Variants in ZNF610 observed in about 807,000 individuals in gnomAD.
ZNF610 encodes zink finger protein.
Under a neutral mutation model 14.1 loss-of-function variants are expected in ZNF610, and 14 were observed. That is an observed-to-expected ratio of 0.99 (90% CI 0.65 to 1.55). The LOEUF (loss-of-function observed/expected upper bound fraction) is 1.55. Among genes scored for constraint, ZNF610 ranks in the 40% most tolerant of loss-of-function variants. ZNF610 has a pLI of 0.00. For missense variants in ZNF610, 530 were observed against 558.0 expected, an observed-to-expected ratio of 0.95 and a Z score of 0.51; for synonymous variants, 185 against 187.6, an observed-to-expected ratio of 0.99 and a Z score of 0.11.
upstream of ZNF610, among the ~76,000 whole-genome samples, chr19:52,333,425 C>T (rs1226561051): frequency 1.3e-5 from 2 of 152,178 alleles, no homozygotes; most frequent in Admixed American, 1.3e-4. Flanking sequence ...AACATGGCTG[C>T]CTCCCAGGAC....
Position 52,364,257 on chromosome 19 carries a change from A to G in ZNF610, c.320-1441A>G, listed in dbSNP as rs146662519. 2.7e-3 allele frequency among the ~76,000 whole-genome samples: 413 copies of G among 152,350 alleles called. 2 individuals are homozygous for G. The highest frequency in any genetic ancestry group is 9.6e-3 in the African/African-American group (398 of 41,582). Reference sequence around the variant, plus strand: ...GGAAAGAAAAGCCAAATTACAAATGAAAAGTACAATAATGCATGATTTTTT... The same window carrying G: ...GGAAAGAAAAGCCAAATTACAAATGGAAAGTACAATAATGCATGATTTTTT... On this transcript the variant is annotated intron_variant, in intron 5 of 5. Coordinates refer to ENST00000403906, the MANE Select transcript of ZNF610 (RefSeq NM_001161425.2).
At chr19:52,339,293 A>G (rs1984550604) in intron 1 of ZNF610, among the ~76,000 whole-genome samples, 1 of 151,876 alleles carries the variant, frequency 6.6e-6, no homozygotes, top group African/African-American at 2.4e-5. Context: ...CTCTTTCACT[A>G]ATCCTCAGCA....
At chr19:52,365,613 TG>T in intron 5 of ZNF610, 84 bp from the exon 6 acceptor site, 1 of 1,199,474 alleles carries the variant, frequency 8.3e-7, no homozygotes, top group Non-Finnish European at 1.2e-6. Flanking sequence ...GTGTCTGAGT[TG>T]GGTGAGGCTG....
At chr19:52,348,205 C>G (rs1985057556) in intron 2 of ZNF610, 1 of 152,122 alleles carries the variant, frequency 6.6e-6, no homozygotes. Context: ...TTTCTCAGAA[C>G]CGGTCCCATT....
intron 3 of ZNF610, among the ~76,000 whole-genome samples, chr19:52,352,960 C>T (rs1045981128): frequency 2.9e-4 from 44 of 152,002 alleles, no homozygotes; most frequent in African/African-American, 8.0e-4. Context: ...TTTTTTGAGA[C>T]GGAGTCTTGC....
intron 5 of ZNF610, among the ~76,000 whole-genome samples, chr19:52,364,325 G>A (rs550117640): frequency 6.6e-6 from 1 of 152,092 alleles, no homozygotes; most frequent in South Asian, 2.1e-4. Flanking sequence ...GTCACTCTCA[G>A]GATACTATGT....
Position 52,354,259 on chromosome 19 carries a change from C to A in ZNF610, c.199C>A (p.Leu67Ile). ...TTTCTTTTTATTAACAGGAATCTGT[C>A]TTCCTGACCTAAGTATTATTTCCAT... ...YRNLVFLGIC[L>I]PDLSIISMLK... Residue 67 changes from leucine (L) to isoleucine (I), a missense_variant, in exon 5 of 6, where the codon CTT (leucine) becomes ATT (isoleucine). By Grantham distance (5) the Leu-to-Ile change is conservative. Coordinates refer to ENST00000403906, the MANE Select transcript of ZNF610 (RefSeq NM_001161425.2). 1 of 1,613,974 alleles carries A rather than the reference C, an allele frequency of 6.2e-7. No individual in the cohort carries two copies. The highest frequency in any genetic ancestry group is 8.5e-7 in the Non-Finnish European group (1 of 1,179,968).
Position 52,366,828 on chromosome 19 carries a change from A to G in ZNF610, c.*61A>G, listed in dbSNP as rs1202193974. 24 of 1,317,096 alleles carry G rather than the reference A, an allele frequency of 1.8e-5. No individual in the cohort carries two copies. The highest frequency in any genetic ancestry group is 1.9e-4 in the Middle Eastern group (1 of 5,338). 81.6% of individuals were successfully genotyped at this position (1,317,096 alleles called of 1,614,324 possible). A position where few individuals can be genotyped will look rare whatever the true frequency, so the allele number is the denominator to read the frequency against. On this transcript the variant is annotated 3_prime_UTR_variant, in exon 6 of 6. Coordinates refer to ENST00000403906, the MANE Select transcript of ZNF610 (RefSeq NM_001161425.2). ...CACAACATTGGAGGACTCAGGAGAA[A>G]AACCTTACAAATATCATAAATGTGG...
At chr19:52,336,672 G>A (rs1441426423) in intron 1 of ZNF610, among the ~76,000 whole-genome samples, 166 bp downstream of exon 1, 2 of 152,176 alleles carry the variant, frequency 1.3e-5, no homozygotes, top group Non-Finnish European at 2.9e-5. Context: ...CAGTCCCGGC[G>A]GGGGAGGCCG....
chr19:52,354,386 G>T lies in ZNF610; in HGVS notation c.319+7G>T. On this transcript the variant is annotated splice_region_variant and intron_variant, in intron 5 of 5. Coordinates refer to ENST00000403906, the MANE Select transcript of ZNF610 (RefSeq NM_001161425.2). ...GTCAGAAGCGTGAACACAGGTAAGA[G>T]CTCTGATGGGCAGTGTGGAGGCCAT... is the stretch of plus-strand genomic sequence containing the variant. 6.2e-7 allele frequency: 1 copy of T among 1,613,632 alleles called. No individual in the cohort carries two copies. Among genetic ancestry groups the T allele is most frequent in the Admixed American group, 1.7e-5 (1 of 59,890 alleles).
chr19:52,341,649 C>T (rs963937711), intron 1 of ZNF610, among the ~76,000 whole-genome samples: 36 of 150,612 alleles, frequency 2.4e-4, no homozygotes, highest in African/African-American at 9.8e-5. Context: ...TTTTAAGGGA[C>T]GGGGCCTCAC....
chr19:52,336,849 A>G (rs571009103), intron 1 of ZNF610, among the ~76,000 whole-genome samples: 15 of 152,270 alleles, frequency 9.9e-5, no homozygotes, highest in Admixed American at 3.3e-4. Flanking sequence ...GTCTTAGGAC[A>G]TTCAGGATTC....
rs561813717 is a variant in ZNF610, at chr19:52,364,103, G to C, written c.320-1595G>C. 2.6e-5 allele frequency among the ~76,000 whole-genome samples: 4 copies of C among 152,236 alleles called. No homozygotes were observed. The South Asian group carries it at 8.3e-4, about 32-fold the overall frequency. ...TTTAAAATGTCAACAGCTTAACCTT[G>C]ATTAGGTACCGAAAGCATTACATTA... is the stretch of plus-strand genomic sequence containing the variant. On this transcript the variant is annotated intron_variant, in intron 5 of 5. Coordinates refer to ENST00000403906, the MANE Select transcript of ZNF610 (RefSeq NM_001161425.2).
At chr19:52,365,673 T>C in intron 5 of ZNF610, 25 bp from the exon 6 acceptor site, 4 of 1,567,760 alleles carry the variant, frequency 2.6e-6, no homozygotes, top group Non-Finnish European at 3.5e-6. Flanking sequence ...CATGGGTTCA[T>C]GTTCTACTCT....
At chr19:52,362,401 C>A (rs1481096992) in intron 5 of ZNF610, among the ~76,000 whole-genome samples, 1 of 152,160 alleles carries the variant, frequency 6.6e-6, no homozygotes, top group Non-Finnish European at 1.5e-5. Flanking sequence ...CAGAGCGAGA[C>A]TCCATCTCAA....
upstream of ZNF610, among the ~76,000 whole-genome samples, chr19:52,336,002 A>C (rs1242654631): frequency 6.6e-6 from 1 of 152,092 alleles, no homozygotes; most frequent in Non-Finnish European, 1.5e-5. Context: ...AGTCGCTGGG[A>C]CTACAGGTGC....
intron 1 of ZNF610, among the ~76,000 whole-genome samples, chr19:52,346,708 C>T (rs1261118858): frequency 6.6e-6 from 1 of 152,032 alleles, no homozygotes; most frequent in African/African-American, 2.4e-5. Context: ...TTTTCTTCCT[C>T]TCTCGTTTTC....
chr19:52,352,667 T>G (rs1404955992), intron 3 of ZNF610, among the ~76,000 whole-genome samples: 1 of 152,174 alleles, frequency 6.6e-6, no homozygotes, highest in African/African-American at 2.4e-5. Flanking sequence ...CACTTTTTTT[T>G]TCCTGTTTTT....
In ZNF610 at chr19:52,366,562, C is replaced by T. The variant is rs777891646; in HGVS notation, c.1184C>T (p.Thr395Ile). 5.6e-6 allele frequency: 9 copies of T among 1,614,226 alleles called. No homozygotes were observed. The highest frequency in any genetic ancestry group is 2.2e-5 in the East Asian group (1 of 44,880). ...PGLMAHLLIH[T>I]GEKPYKCNEC... The stretch of plus-strand genomic sequence containing the variant: ...CTTATGGCCCATCTTCTAATCCATA[C>T]TGGAGAGAAACCTTACAAATGTAAT... The change falls in exon 6 of 6, where the codon ACT becomes ATT. Residue 395 changes from threonine (T) to isoleucine (I), a missense_variant. By Grantham distance (89) the Thr-to-Ile change is moderately conservative (BLOSUM62 -1). Transcript: ENST00000403906.
Sources: gnomAD v4.1 joint callset for allele counts (sites outside exome capture counted in the v4.1 genomes callset) on GRCh38, gnomAD v4.1.1 for gene constraint, MANE v1.5 for transcripts, NCBI Gene and HGNC (gene_info 2026-07-23, HGNC 2026-07-21) for gene names.